DENND5B: variants seen among roughly 807,000 people sequenced by gnomAD.
The protein encoded by DENND5B is DENN domain-containing protein 5B.
A neutral mutation model predicts 140.6 loss-of-function variants in DENND5B; 34 were observed. That is an observed-to-expected ratio of 0.24 (90% CI 0.18 to 0.32). DENND5B has a LOEUF of 0.32. Ranked by LOEUF, DENND5B falls within the 10% of genes least tolerant of loss-of-function variation. The pLI, the probability that DENND5B is intolerant of heterozygous loss-of-function variation, is 1.00. For synonymous variants in DENND5B, 551 were observed against 562.1 expected (o/e 0.98, Z 0.28); for missense variants, 1,142 against 1,560.2 (o/e 0.73, Z 4.52).
intron 1 of DENND5B, among the ~76,000 whole-genome samples, chr12:31,578,469 T>C (rs1412844000): frequency 1.3e-5 from 2 of 152,200 alleles, no homozygotes; most frequent in Non-Finnish European, 2.9e-5. Flanking sequence ...TCAGTAACGG[T>C]AGCTTACCAG....
At chr12:31,494,190 ATCCATCCAT>A (rs1248291995) in intron 2 of DENND5B, among the ~76,000 whole-genome samples, 8 of 44,634 alleles carry the variant, frequency 1.8e-4, no homozygotes, top group African/African-American at 2.5e-4. Context: ...CTATCCATCC[ATCCATCCAT>A]CCACCTACCT....
intron 14 of DENND5B, among the ~76,000 whole-genome samples, chr12:31,403,436 T>C (rs1941924386): frequency 6.7e-6 from 1 of 150,170 alleles, no homozygotes; most frequent in Admixed American, 6.7e-5. Flanking sequence ...CTACTAACAG[T>C]ACAAAAATTA....
chr12:31,479,638 C>T lies in DENND5B; in HGVS notation c.855G>A (p.Gln285=). ...TCTCTAAAAGAACACAGGTAAACAC[C>T]TGCACCAGGTTCTCTAATCCCAGGA... ...FELLGLENLV[Q]VFTCVLLEMQ... is the part of the protein sequence containing the mutation. Residue 285 remains glutamine, a synonymous_variant, in exon 3 of 21, where the codon CAG becomes CAA. Coordinates refer to ENST00000389082, the MANE Select transcript of DENND5B (RefSeq NM_144973.4). 6.5e-7 allele frequency: 1 copy of T among 1,538,732 alleles called. No individual in the cohort carries two copies. Among genetic ancestry groups the T allele is most frequent in the Non-Finnish European group, 8.7e-7 (1 of 1,145,280 alleles).
At chr12:31,555,028 T>C (rs1044618871) in intron 1 of DENND5B, among the ~76,000 whole-genome samples, 1 of 152,224 alleles carries the variant, frequency 6.6e-6, no homozygotes, top group African/African-American at 2.4e-5. Context: ...TCAGAGTAGT[T>C]TGATCATCTG....
intron 1 of DENND5B, among the ~76,000 whole-genome samples, chr12:31,504,348 T>C (rs1947114705): frequency 6.6e-6 from 1 of 152,200 alleles, no homozygotes; most frequent in Non-Finnish European, 1.5e-5. Flanking sequence ...ACTATGAATG[T>C]AGATGATGTT....
intron 11 of DENND5B, among the ~76,000 whole-genome samples, chr12:31,416,151 T>C (rs1942727616): frequency 6.6e-6 from 1 of 152,072 alleles, no homozygotes; most frequent in African/African-American, 2.4e-5. Context: ...CTATTTTCTT[T>C]CTATGTAATC....
chr12:31,423,461 G>A (rs1424025964), intron 11 of DENND5B, 136 bp downstream of exon 11: 2 of 832,240 alleles, frequency 2.4e-6, no homozygotes, highest in Non-Finnish European at 3.8e-6. Flanking sequence ...AAGTAATATT[G>A]CTCCTTCTAC....
chr12:31,570,867 C>G (rs1315006730), intron 1 of DENND5B, among the ~76,000 whole-genome samples: 1 of 151,894 alleles, frequency 6.6e-6, no homozygotes, highest in Non-Finnish European at 1.5e-5. Context: ...TAGGTTTTGG[C>G]AGGAAACTCA....
intron 1 of DENND5B, among the ~76,000 whole-genome samples, chr12:31,527,523 T>C (rs892822160): frequency 6.6e-6 from 1 of 152,162 alleles, no homozygotes; most frequent in Admixed American, 6.5e-5. Context: ...CTCATGCCTA[T>C]AATCCCAGCA....
chr12:31,387,317 G>C lies in DENND5B; in HGVS notation c.*286C>G. The C allele has an allele frequency of 4.1e-6, 1 of 244,062 alleles. No individual in the cohort carries two copies. Among genetic ancestry groups the C allele is most frequent in the East Asian group, 8.1e-5 (1 of 12,328 alleles). 15.1% of individuals were successfully genotyped at this position (244,062 alleles called of 1,614,324 possible). On this transcript the variant is annotated 3_prime_UTR_variant, in exon 21 of 21. Transcript: ENST00000389082. ...TTAAGCTACTTATTTTAAGTCACAGGAATATTCAATCTAAGAAAAGCATCT... is the reference window on the plus strand; with the variant it reads ...TTAAGCTACTTATTTTAAGTCACAGCAATATTCAATCTAAGAAAAGCATCT...
intron 1 of DENND5B, among the ~76,000 whole-genome samples, chr12:31,502,036 G>T (rs1947026614): frequency 6.6e-6 from 1 of 152,006 alleles, no homozygotes; most frequent in Non-Finnish European, 1.5e-5. Flanking sequence ...ATTCAATCTT[G>T]CCGGGCGCAG....
At chr12:31,441,398 G>A (rs1195335603) in intron 7 of DENND5B, among the ~76,000 whole-genome samples, 1 of 152,006 alleles carries the variant, frequency 6.6e-6, no homozygotes, top group Non-Finnish European at 1.5e-5. Context: ...TGTTCCCCAG[G>A]CTGGTCTCAA....
chr12:31,413,053 C>CA (rs1366137799), intron 13 of DENND5B, among the ~76,000 whole-genome samples: 1 of 152,128 alleles, frequency 6.6e-6, no homozygotes, highest in African/African-American at 2.4e-5. Context: ...CCTGAATAGC[C>CA]ATGACTACAG....
rs1341093902 is a variant in DENND5B, at chr12:31,561,400, GATC to G, written c.127+29303_127+29305del. Among the ~76,000 whole-genome samples the G allele has an allele frequency of 5.3e-5, 8 of 152,302 alleles. No individual in the cohort carries two copies. The East Asian group carries it at 1.5e-3, about 29-fold the overall frequency. ...GCTACTTGAGAGGCTGAGGAGGAAG[GATC>G]ACCTGAGCCCGGAAGTTCAAGAACA... On this transcript the variant is annotated intron_variant, in intron 1 of 20. Transcript: ENST00000389082.
chr12:31,438,019 T>C (rs981481769), intron 7 of DENND5B, among the ~76,000 whole-genome samples: 1 of 152,222 alleles, frequency 6.6e-6, no homozygotes, highest in Non-Finnish European at 1.5e-5. Flanking sequence ...TCTCACTCTG[T>C]CACCCAAGCT....
intron 7 of DENND5B, among the ~76,000 whole-genome samples, chr12:31,433,786 C>T (rs1943623676): frequency 6.6e-6 from 1 of 152,104 alleles, no homozygotes; most frequent in African/African-American, 2.4e-5. Context: ...AATCCTAGCA[C>T]TTTGGCCGGA....
chr12:31,412,667 A>C (rs1002799969), intron 13 of DENND5B, among the ~76,000 whole-genome samples: 2 of 152,172 alleles, frequency 1.3e-5, no homozygotes, highest in African/African-American at 4.8e-5. Context: ...CCATGGCCCA[A>C]GGGCTGGGAA....
intron 1 of DENND5B, chr12:31,535,119 T>G (rs545597699): frequency 3.3e-6 from 1 of 307,162 alleles, no homozygotes; most frequent in South Asian, 3.1e-5. Flanking sequence ...TGTTTGGGCA[T>G]TGATATCTGC....
At chr12:31,453,516 AAAG>A (rs1944632315) in intron 4 of DENND5B, among the ~76,000 whole-genome samples, 1 of 152,222 alleles carries the variant, frequency 6.6e-6, no homozygotes, top group Non-Finnish European at 1.5e-5. Flanking sequence ...TGTTAGTTAA[AAAG>A]AAGGTTGTGT....
Sources: allele counts gnomAD v4.1 joint callset (sites outside exome capture counted in the v4.1 genomes callset), GRCh38; gene constraint gnomAD v4.1.1; transcripts MANE v1.5; gene names NCBI Gene and HGNC (gene_info 2026-07-23, HGNC 2026-07-21).